The following PKD1L1 variants were observed in gnomAD, a reference collection of about 807,000 sequenced individuals.
PKD1L1 encodes the protein polycystin 1 like 1, transient receptor potential channel interacting.
In PKD1L1, 236 loss-of-function variants were observed where a neutral mutation model predicts 323.4. The observed-to-expected ratio is 0.73, with a 90% CI of 0.66 to 0.81. PKD1L1 has a LOEUF of 0.81. PKD1L1 is among the 40% of genes least tolerant of loss of function. The pLI is 0.00. For synonymous variants in PKD1L1, 1,344 were observed against 1,335.0 expected (o/e 1.01, Z -0.15); for missense variants, 3,320 against 3,508.0 (o/e 0.95, Z 1.35).
chr7:47,930,462 G>A (rs1583683049), intron 6 of PKD1L1, among the ~76,000 whole-genome samples: 2 of 151,776 alleles, frequency 1.3e-5, no homozygotes, highest in African/African-American at 2.4e-5. Flanking sequence ...CCAAGATCGC[G>A]CCACTGCACT....
At chr7:47,831,071 A>T in intron 42 of PKD1L1, 146 bp downstream of exon 42, 1 of 1,142,588 alleles carries the variant, frequency 8.8e-7, no homozygotes. Context: ...ACCCCAGGAG[A>T]TGGGAGGGAG....
chr7:47,947,015 C>A (rs1212801137), intron 1 of PKD1L1, among the ~76,000 whole-genome samples: 1 of 152,148 alleles, frequency 6.6e-6, no homozygotes, highest in African/African-American at 2.4e-5. Flanking sequence ...ATTGGGCCAA[C>A]ATCAAGGCTC....
At position 47,854,937 on chromosome 7, in the gene PKD1L1, C is replaced by T; in HGVS notation, c.4804G>A (p.Glu1602Lys). ...SENPQESLQI[E>K]IEFSKPVTRA... ...GTAACAGGTTTGGAAAATTCAATTT[C>T]TATCTGTAGAGATTCCTGGGGGTTT... Residue 1602 changes from glutamate (E) to lysine (K), a missense_variant, in exon 30 of 57, where the codon GAA (glutamate) becomes AAA (lysine). By Grantham distance (56) the Glu-to-Lys change is moderately conservative. Coordinates refer to ENST00000289672, the MANE Select transcript of PKD1L1 (RefSeq NM_138295.5). 6.2e-7 allele frequency: 1 copy of T among 1,614,134 alleles called. No homozygotes were observed. The highest frequency in any genetic ancestry group is 8.5e-7 in the Non-Finnish European group (1 of 1,180,020).
chr7:47,912,696 A>C (rs1170649258), intron 8 of PKD1L1, among the ~76,000 whole-genome samples: 1 of 151,546 alleles, frequency 6.6e-6, no homozygotes, highest in Non-Finnish European at 1.5e-5. Flanking sequence ...TATGCCTGTA[A>C]TCCTAGCTAC....
At chr7:47,875,579 C>T (rs1329093737) in intron 23 of PKD1L1, among the ~76,000 whole-genome samples, 2 of 152,178 alleles carry the variant, frequency 1.3e-5, no homozygotes, top group Non-Finnish European at 2.9e-5. Flanking sequence ...TCAGTTGAAG[C>T]CAGTTCCAAG....
rs1482368290 is a variant in PKD1L1, at chr7:47,847,088, T to C, written c.4961-17A>G. ...CACTGGCATCTAAAAAGAGAAAACATAAATAAAAAGTACAACCTGAGGTTT... is the reference window on the plus strand; with the variant it reads ...CACTGGCATCTAAAAAGAGAAAACACAAATAAAAAGTACAACCTGAGGTTT... On this transcript the variant is annotated splice_polypyrimidine_tract_variant and intron_variant, in intron 31 of 56. Transcript: ENST00000289672. The C allele has an allele frequency of 4.5e-6, 7 of 1,548,838 alleles. No homozygotes were observed. Among genetic ancestry groups the C allele is most frequent in the African/African-American group, 1.4e-5 (1 of 71,650 alleles).
At chr7:47,893,328 T>C (rs1033146917) in intron 15 of PKD1L1, among the ~76,000 whole-genome samples, 1 of 150,650 alleles carries the variant, frequency 6.6e-6, no homozygotes, top group African/African-American at 2.4e-5. Context: ...GTGGCTGAGA[T>C]GTCTCGAGGG....
intron 56 of PKD1L1, among the ~76,000 whole-genome samples, chr7:47,782,040 T>C (rs1786710093): frequency 6.6e-6 from 1 of 152,208 alleles, no homozygotes; most frequent in Non-Finnish European, 1.5e-5. Flanking sequence ...TCTTTGTCTC[T>C]TCCCCTCTGT....
intron 21 of PKD1L1, among the ~76,000 whole-genome samples, 169 bp from the exon 22 acceptor site, chr7:47,877,800 C>A (rs1029176132): frequency 6.6e-6 from 1 of 152,116 alleles, no homozygotes; most frequent in African/African-American, 2.4e-5. Flanking sequence ...TCTGGAGCCC[C>A]ACCCTAGACC....
rs370004992 is a variant in PKD1L1, at chr7:47,904,910, T to G, written c.1691+247A>C. Among the ~76,000 whole-genome samples the G allele has an allele frequency of 1.2e-4, 19 of 152,310 alleles. No homozygotes were observed. In the East Asian group the frequency reaches 3.7e-3, roughly 29 times the overall value. On this transcript the variant is annotated intron_variant, in intron 11 of 56. Coordinates refer to ENST00000289672, the MANE Select transcript of PKD1L1 (RefSeq NM_138295.5). The stretch of plus-strand genomic sequence containing the variant: ...TCTTAGGTCACATGGGTGGCCGAGA[T>G]AGAATTCGAACCTAGGACTGTCTGC...
At chr7:47,854,032 A>G (rs1490636356) in intron 30 of PKD1L1, among the ~76,000 whole-genome samples, 2 of 152,224 alleles carry the variant, frequency 1.3e-5, no homozygotes, top group African/African-American at 4.8e-5. Flanking sequence ...GAACTGATTT[A>G]CCTTTTCTGC....
intron 21 of PKD1L1, 37 bp from the exon 22 acceptor site, chr7:47,877,668 T>G (rs747293737): frequency 6.2e-7 from 1 of 1,607,740 alleles, no homozygotes; most frequent in Non-Finnish European, 8.5e-7. Flanking sequence ...TCACCCATGA[T>G]GGAGAATTAC....
intron 13 of PKD1L1, 104 bp downstream of exon 13, chr7:47,902,275 A>G: frequency 6.9e-7 from 1 of 1,446,080 alleles, no homozygotes; most frequent in Non-Finnish European, 9.3e-7. Flanking sequence ...AACTGGACAA[A>G]GCCTCGCTTC....
Position 47,834,368 on chromosome 7 carries a change from T to C in PKD1L1, c.6145A>G (p.Arg2049Gly), listed in dbSNP as rs750204693. ...CGTGGCTCCTGTGCGTCTGGTATCC[T>C]TCCCCAGGAATTAGGACCTGATTCA... is the stretch of plus-strand genomic sequence containing the variant. The part of the protein sequence containing the change: ...EAPHGPNSWG[R>G]IPDAQEPRKQ... The change falls in exon 40 of 57, where the codon AGG becomes GGG. Residue 2049 changes from arginine (R) to glycine (G), a missense_variant. Arg to Gly is a moderately radical substitution (Grantham distance 125, BLOSUM62 -2). Transcript: ENST00000289672. 12 of 1,613,856 alleles carry C rather than the reference T, an allele frequency of 7.4e-6. No homozygotes were observed. The highest frequency in any genetic ancestry group is 1.3e-5 in the African/African-American group (1 of 74,924).
intron 52 of PKD1L1, among the ~76,000 whole-genome samples, chr7:47,806,459 C>A (rs536660424): frequency 6.6e-6 from 1 of 152,164 alleles, no homozygotes; most frequent in Admixed American, 6.5e-5. Flanking sequence ...TAGTAGGAAG[C>A]GGGTTGACTA....
rs141602605 is a variant in PKD1L1, at chr7:47,947,489, C to T, written c.44+908G>A. On this transcript the variant is annotated intron_variant, in intron 1 of 56. Transcript: ENST00000289672. ...AGGCCAGGGGACAGCGGTGACCCAC[C>T]TGGGTCCTTACCACATCCCACAGGC... Among the ~76,000 whole-genome samples, 103 of 152,332 alleles carry T rather than the reference C, an allele frequency of 6.8e-4. 1 individual carries two copies. Among genetic ancestry groups the T allele is most frequent in the African/African-American group, 2.2e-3 (92 of 41,576 alleles).
intron 12 of PKD1L1, 37 bp from the exon 13 acceptor site, chr7:47,902,548 T>A (rs760054528): frequency 6.9e-6 from 11 of 1,605,026 alleles, no homozygotes; most frequent in Non-Finnish European, 9.4e-6. Flanking sequence ...AACAAATTTA[T>A]GTTGATGAAC....
intron 37 of PKD1L1, among the ~76,000 whole-genome samples, chr7:47,836,027 C>A (rs748168547): frequency 6.6e-6 from 1 of 152,228 alleles, no homozygotes; most frequent in Non-Finnish European, 1.5e-5. Context: ...AACATGTCGG[C>A]TTCAAAGAAG....
chr7:47,780,731 C>T (rs544658741), intron 56 of PKD1L1, among the ~76,000 whole-genome samples: 15 of 152,256 alleles, frequency 9.9e-5, no homozygotes, highest in African/African-American at 3.6e-4. Context: ...ACCCAGGTGG[C>T]TGTGTGGATC....
Sources: allele counts gnomAD v4.1 joint callset (sites outside exome capture counted in the v4.1 genomes callset), GRCh38; gene constraint gnomAD v4.1.1; transcripts MANE v1.5; gene names NCBI Gene and HGNC (gene_info 2026-07-23, HGNC 2026-07-21).